The following RRAS2 variants were observed in gnomAD, a reference collection of about 807,000 sequenced individuals.
The protein encoded by RRAS2 is RAS related 2.
In RRAS2, 7 loss-of-function variants were observed where a neutral mutation model predicts 27.6. That is an observed-to-expected ratio of 0.25 (90% CI 0.14 to 0.48). The LOEUF is 0.48. RRAS2 is among the 20% of genes least tolerant of loss of function. The pLI is 0.99. For missense variants in RRAS2, 178 were observed against 256.2 expected, an observed-to-expected ratio of 0.69 and a Z score of 2.08; for synonymous variants, 86 against 90.9, an observed-to-expected ratio of 0.95 and a Z score of 0.31.
chr11:14,294,032 A>T (rs545330299), intron 4 of RRAS2, among the ~76,000 whole-genome samples: 2 of 152,358 alleles, frequency 1.3e-5, no homozygotes, highest in South Asian at 2.1e-4. Flanking sequence ...AAAGTGACTT[A>T]GAAAAAAATC....
At chr11:14,357,405 C>T (rs1438524151) in intron 1 of RRAS2, among the ~76,000 whole-genome samples, 1 of 152,132 alleles carries the variant, frequency 6.6e-6, no homozygotes, top group Non-Finnish European at 1.5e-5. Flanking sequence ...AGGGAAATAG[C>T]AACCTGACAG....
chr11:14,358,389 G>T lies in RRAS2; in HGVS notation c.108+374C>A, dbSNP rs1849127915. On this transcript the variant is annotated intron_variant, in intron 1 of 5. Transcript: ENST00000256196. This position sits in a 1 kb window ranked among gnomAD's most constrained non-coding sequence, Gnocchi z 5.1. ...GGCGGCTGGAAAAGCAGCGCGCGGG[G>T]CTCCAGCTCCAGCCCCACGCCCGGA... 1.0e-6 allele frequency: 1 copy of T among 985,328 alleles called. No homozygotes were observed. Among genetic ancestry groups the T allele is most frequent in the African/African-American group, 1.7e-5 (1 of 57,184 alleles). The allele number at this position is 985,328 out of a possible 1,614,324, so 61.0% of individuals were successfully genotyped here.
rs141076344 is a variant in RRAS2, at chr11:14,314,390, A to G, written c.109-18535T>C. 1.3e-3 allele frequency among the ~76,000 whole-genome samples: 192 copies of G among 152,328 alleles called. 1 individual carries two copies. Among genetic ancestry groups the G allele is most frequent in the African/African-American group, 4.4e-3 (183 of 41,574 alleles). On this transcript the variant is annotated intron_variant, in intron 1 of 5. Transcript: ENST00000256196. ...TCCTAAACTGTTCTGGTCTCTAATC[A>G]TAATTTACATATCAACCAAATCCTC... is the stretch of plus-strand genomic sequence containing the variant.
chr11:14,359,199 A>G (rs1849154446), upstream of RRAS2: 2 of 844,794 alleles, frequency 2.4e-6, no homozygotes, highest in South Asian at 5.6e-5. Flanking sequence ...CCGGGCTGCC[A>G]GGCTGAGGTG....
intron 1 of RRAS2, among the ~76,000 whole-genome samples, chr11:14,348,901 A>G (rs992417672): frequency 6.6e-6 from 1 of 152,220 alleles, no homozygotes; most frequent in Non-Finnish European, 1.5e-5. Context: ...AGAAGTGGAA[A>G]AAGATGTACA....
chr11:14,331,518 G>A (rs1225393724), intron 1 of RRAS2, among the ~76,000 whole-genome samples: 1 of 151,940 alleles, frequency 6.6e-6, no homozygotes, highest in Non-Finnish European at 1.5e-5. Flanking sequence ...GTTATCTACT[G>A]TGTTCATTTT....
At chr11:14,318,650 C>T (rs550119632) in intron 1 of RRAS2, among the ~76,000 whole-genome samples, 7 of 152,284 alleles carry the variant, frequency 4.6e-5, no homozygotes, top group Admixed American at 2.0e-4. Flanking sequence ...ACCTGTGTCT[C>T]CCAGTGCTGT....
In RRAS2 at chr11:14,278,232, G is replaced by A. The variant is rs1370077648; in HGVS notation, c.*1105C>T. On this transcript the variant is annotated 3_prime_UTR_variant, in exon 6 of 6. Coordinates refer to ENST00000256196, the MANE Select transcript of RRAS2 (RefSeq NM_012250.6). ...GTCTCATCCTGTTGTACTCTATTGGGAAGGTTTCTTGAGTAGTTATGTGAC... is the reference window on the plus strand; with the variant it reads ...GTCTCATCCTGTTGTACTCTATTGGAAAGGTTTCTTGAGTAGTTATGTGAC... 3.9e-5 allele frequency: 6 copies of A among 152,202 alleles called. No individual in the cohort carries two copies. Among genetic ancestry groups the A allele is most frequent in the African/African-American group, 7.2e-5 (3 of 41,454 alleles). The allele number at this position is 152,202 out of a possible 1,614,324, so 9.4% of individuals were successfully genotyped here.
upstream of RRAS2, among the ~76,000 whole-genome samples, chr11:14,363,433 C>T (rs531971150): frequency 6.6e-6 from 1 of 152,244 alleles, no homozygotes; most frequent in South Asian, 2.1e-4. Context: ...AAATGAGAAC[C>T]TCTGAGGACA....
chr11:14,362,376 C>T (rs1346243457), upstream of RRAS2, among the ~76,000 whole-genome samples: 1 of 152,098 alleles, frequency 6.6e-6, no homozygotes, highest in Non-Finnish European at 1.5e-5. Flanking sequence ...ACGTAGTATT[C>T]AGCAAATGAG....
rs201030291 is a variant in RRAS2, at chr11:14,313,174, T to C, written c.109-17319A>G. ...TTATAAAAATACCCAAGTACGTAGG[T>C]TTAAAAAGTCAAGAGCTAAACAGCA... On this transcript the variant is annotated intron_variant, in intron 1 of 5. Transcript: ENST00000256196. 8.5e-5 allele frequency among the ~76,000 whole-genome samples: 13 copies of C among 152,216 alleles called. No homozygotes were observed. In the East Asian group the frequency reaches 2.5e-3, roughly 29 times the overall value.
chr11:14,329,064 TACATAC>T (rs1359233737), intron 1 of RRAS2, among the ~76,000 whole-genome samples: 1 of 78,908 alleles, frequency 1.3e-5, no homozygotes, highest in South Asian at 4.9e-4. Flanking sequence ...CACACACATA[TACATAC>T]ACACACACAC....
At chr11:14,346,012 T>C (rs782102640) in intron 1 of RRAS2, among the ~76,000 whole-genome samples, 4 of 152,212 alleles carry the variant, frequency 2.6e-5, no homozygotes, top group Admixed American at 6.5e-5. Context: ...CATTAAATAG[T>C]ATCAAGCTTT....
At chr11:14,340,311 G>C (rs916741338) in intron 1 of RRAS2, among the ~76,000 whole-genome samples, 7 of 151,804 alleles carry the variant, frequency 4.6e-5, no homozygotes, top group African/African-American at 1.7e-4. Flanking sequence ...ACATAGGCCA[G>C]GATGGTCCCA....
At chr11:14,295,929 C>A in intron 1 of RRAS2, 74 bp from the exon 2 acceptor site, 1 of 1,385,598 alleles carries the variant, frequency 7.2e-7, no homozygotes. Flanking sequence ...ATCCTATGCT[C>A]TGGGAGGCCG....
chr11:14,354,142 T>C (rs1158552076), intron 1 of RRAS2, among the ~76,000 whole-genome samples: 21 of 152,146 alleles, frequency 1.4e-4, no homozygotes, highest in African/African-American at 5.1e-4. Flanking sequence ...CTCGGCTCTC[T>C]GCCCCAGGAA....
intron 1 of RRAS2, among the ~76,000 whole-genome samples, chr11:14,316,645 A>C (rs1848113905): frequency 6.6e-6 from 1 of 152,222 alleles, no homozygotes. Context: ...TGGGAGGTTG[A>C]AGCAGGAGGA....
At chr11:14,338,543 G>A (rs1554952833) in intron 1 of RRAS2, among the ~76,000 whole-genome samples, 2 of 152,100 alleles carry the variant, frequency 1.3e-5, no homozygotes, top group Non-Finnish European at 1.5e-5. Flanking sequence ...TTTGTTTCAA[G>A]GTCAAGAGCA....
Position 14,358,317 on chromosome 11 carries a change from G to A in RRAS2, c.108+446C>T. 1.0e-6 allele frequency: 1 copy of A among 985,512 alleles called. No homozygotes were observed. Among genetic ancestry groups the A allele is most frequent in the Non-Finnish European group, 1.2e-6 (1 of 830,000 alleles). The allele number at this position is 985,512 out of a possible 1,614,324, so 61.0% of individuals were successfully genotyped here. A position where few individuals can be genotyped will look rare whatever the true frequency, so the allele number is the denominator to read the frequency against. Reference sequence around the variant, plus strand: ...AAGCCCGGAGACCACGCGGAGCCGCGGCCAAGTTGCCACCGCTATCGCCCC... The same window carrying A: ...AAGCCCGGAGACCACGCGGAGCCGCAGCCAAGTTGCCACCGCTATCGCCCC... On this transcript the variant is annotated intron_variant, in intron 1 of 5. Transcript: ENST00000256196. This position sits in a 1 kb window ranked among gnomAD's most constrained non-coding sequence, Gnocchi z 5.1.
Sources: allele counts gnomAD v4.1 joint callset (sites outside exome capture counted in the v4.1 genomes callset), GRCh38; gene constraint gnomAD v4.1.1; non-coding constraint Gnocchi (gnomAD v3.1); transcripts MANE v1.5; gene names NCBI Gene and HGNC (gene_info 2026-07-23, HGNC 2026-07-21).